FBXW7: variants seen among roughly 807,000 people sequenced by gnomAD.
The protein encoded by FBXW7 is F-box and WD repeat domain containing 7.
A neutral mutation model predicts 86.3 loss-of-function variants in FBXW7; 11 were observed. The ratio of observed to expected loss-of-function variants is 0.13; its 90% CI spans 0.08 to 0.21. FBXW7 has a LOEUF of 0.21. Ranked by LOEUF, FBXW7 falls within the 10% of genes least tolerant of loss-of-function variation. The pLI, the probability that FBXW7 is intolerant of heterozygous loss-of-function variation, is 1.00. For missense variants in FBXW7, 488 were observed against 847.4 expected (o/e 0.58, Z 5.27); for synonymous variants, 313 against 297.9 (o/e 1.05, Z -0.52).
chr4:152,403,639 G>A (rs1737144169), intron 4 of FBXW7, among the ~76,000 whole-genome samples: 1 of 152,086 alleles, frequency 6.6e-6, no homozygotes, highest in Non-Finnish European at 1.5e-5. Context: ...TTAGACTCTC[G>A]GAAGGAGCAT....
In FBXW7 at chr4:152,373,829, G is replaced by T. The variant is rs186025460; in HGVS notation, c.502-23705C>A. Among the ~76,000 whole-genome samples, 190 of 152,024 alleles carry T rather than the reference G, an allele frequency of 1.2e-3. 3 individuals carry two copies. The highest frequency in any genetic ancestry group is 0.012 in the Admixed American group (188 of 15,226). On this transcript the variant is annotated intron_variant, in intron 4 of 13. Transcript: ENST00000281708. ...CTTTTCATTTGTGCATGGGCATGGG[G>T]GATCATCATCTTATTTATAGCCGGT...
chr4:152,490,911 C>T (rs1033526594), intron 2 of FBXW7, among the ~76,000 whole-genome samples: 7 of 152,122 alleles, frequency 4.6e-5, no homozygotes, highest in East Asian at 1.9e-4. Flanking sequence ...TCTTAAAGAT[C>T]GCTGTCCCTG....
intron 6 of FBXW7, among the ~76,000 whole-genome samples, chr4:152,340,851 C>T (rs905603290): frequency 6.6e-6 from 1 of 152,066 alleles, no homozygotes; most frequent in African/African-American, 2.4e-5. Flanking sequence ...ATCTTTCTCT[C>T]CAAATCTGTA....
At chr4:152,448,050 T>A (rs1741571311) in intron 2 of FBXW7, among the ~76,000 whole-genome samples, 1 of 152,214 alleles carries the variant, frequency 6.6e-6, no homozygotes, top group South Asian at 2.1e-4. Flanking sequence ...ACCATAAAGT[T>A]ACTGAGGCTA....
intron 2 of FBXW7, among the ~76,000 whole-genome samples, chr4:152,455,451 T>C (rs1346000861): frequency 3.3e-5 from 5 of 152,220 alleles, no homozygotes; most frequent in Non-Finnish European, 5.9e-5. Flanking sequence ...AGGTATTCTC[T>C]AAGACGATAC....
intron 2 of FBXW7, among the ~76,000 whole-genome samples, chr4:152,508,514 C>T (rs998584816): frequency 6.6e-6 from 1 of 151,920 alleles, no homozygotes; most frequent in African/African-American, 2.4e-5. Flanking sequence ...ATGATGAAAC[C>T]TCGCCTCTAC....
intron 4 of FBXW7, among the ~76,000 whole-genome samples, chr4:152,379,077 T>A (rs542097926): frequency 6.6e-6 from 1 of 152,002 alleles, no homozygotes; most frequent in Admixed American, 6.6e-5. Flanking sequence ...CTCTTATTAC[T>A]AGAAAGAAAA....
intron 2 of FBXW7, among the ~76,000 whole-genome samples, chr4:152,442,594 C>T (rs896948216): frequency 6.6e-6 from 1 of 152,198 alleles, no homozygotes; most frequent in Non-Finnish European, 1.5e-5. Flanking sequence ...TAGCTATTAG[C>T]AGGCGATCGT....
In FBXW7 at chr4:152,441,878, T is replaced by C. The variant is rs1740925841; in HGVS notation, c.-119-29349A>G. On this transcript the variant is annotated intron_variant, in intron 2 of 13. Transcript: ENST00000281708. ...AACTTTGCTCCTATGCTCACTTTTC[T>C]TTTAAAAATTAAACCTGTTTCTTAA... 2.6e-5 allele frequency among the ~76,000 whole-genome samples: 4 copies of C among 152,248 alleles called. No individual in the cohort carries two copies. The South Asian group carries it at 8.3e-4, about 31-fold the overall frequency.
At chr4:152,365,787 T>C (rs1733424558) in intron 4 of FBXW7, among the ~76,000 whole-genome samples, 1 of 152,188 alleles carries the variant, frequency 6.6e-6, no homozygotes, top group African/African-American at 2.4e-5. Flanking sequence ...ATGTGAATTA[T>C]CTGTATACAG....
intron 2 of FBXW7, among the ~76,000 whole-genome samples, chr4:152,504,269 T>C (rs1033132110): frequency 6.6e-6 from 1 of 152,286 alleles, no homozygotes; most frequent in South Asian, 2.1e-4. Flanking sequence ...TAAATTTACA[T>C]TGAAATTTAA....
At chr4:152,379,222 T>TA (rs773056393) in intron 4 of FBXW7, among the ~76,000 whole-genome samples, 1 of 151,868 alleles carries the variant, frequency 6.6e-6, no homozygotes, top group African/African-American at 2.4e-5. Context: ...CAATTTCAAA[T>TA]AAAAAATAGT....
intron 4 of FBXW7, among the ~76,000 whole-genome samples, chr4:152,370,542 T>C (rs544479681): frequency 6.6e-6 from 1 of 152,126 alleles, no homozygotes; most frequent in East Asian, 1.9e-4. Flanking sequence ...GGAATTCCAC[T>C]ATAAAATTAA....
At chr4:152,445,070 T>C (rs1057461467) in intron 2 of FBXW7, among the ~76,000 whole-genome samples, 5 of 152,116 alleles carry the variant, frequency 3.3e-5, no homozygotes, top group African/African-American at 1.2e-4. Flanking sequence ...AAGCGACCCA[T>C]CTGCCTCTAC....
In FBXW7 at chr4:152,321,391, A is replaced by G. The variant is rs552428040; in HGVS notation, c.*1490T>C. ...TCAGGTTGTTACATAACTAAAATTA[A>G]CCAACTTGAATCTGATTGTTTTAAA... On this transcript the variant is annotated 3_prime_UTR_variant, in exon 14 of 14. Transcript: ENST00000281708. The G allele has an allele frequency of 1.9e-4, 45 of 232,948 alleles. No individual in the cohort carries two copies. Among genetic ancestry groups the G allele is most frequent in the African/African-American group, 9.9e-4 (45 of 45,426 alleles). The allele number at this position is 232,948 out of a possible 1,614,324, so 14.4% of individuals were successfully genotyped here.
intron 2 of FBXW7, among the ~76,000 whole-genome samples, chr4:152,529,238 A>T (rs1312098220): frequency 6.6e-6 from 1 of 152,184 alleles, no homozygotes; most frequent in Admixed American, 6.5e-5. Flanking sequence ...AAAAGACAAA[A>T]ATTAAAAGAT....
intron 2 of FBXW7, among the ~76,000 whole-genome samples, chr4:152,429,138 C>T (rs890310481): frequency 2.6e-5 from 4 of 152,074 alleles, no homozygotes; most frequent in Admixed American, 1.3e-4. Flanking sequence ...TGTGTTGAGC[C>T]GAGATCGGGT....
intron 4 of FBXW7, among the ~76,000 whole-genome samples, chr4:152,387,450 C>CA (rs1300292757): frequency 6.6e-6 from 1 of 151,984 alleles, no homozygotes; most frequent in Non-Finnish European, 1.5e-5. Flanking sequence ...TCATAGATAT[C>CA]AGAGTATTAA....
chr4:152,534,793 C>T (rs866967328), intron 2 of FBXW7, 148 bp downstream of exon 2: 1 of 152,314 alleles, frequency 6.6e-6, no homozygotes, highest in South Asian at 2.1e-4. Flanking sequence ...ACAGGCCTCC[C>T]TAACACCTTC....
Sources: gnomAD v4.1 joint callset for allele counts (sites outside exome capture counted in the v4.1 genomes callset) on GRCh38, gnomAD v4.1.1 for gene constraint, MANE v1.5 for transcripts, NCBI Gene and HGNC (gene_info 2026-07-23, HGNC 2026-07-21) for gene names.